CLMN: variants seen among roughly 807,000 people sequenced by gnomAD.
CLMN encodes calmin (calponin-like, transmembrane).
Under a neutral mutation model 92.7 loss-of-function variants are expected in CLMN, and 57 were observed. The ratio of observed to expected loss-of-function variants is 0.61; its 90% CI spans 0.50 to 0.77. The LOEUF is 0.77. CLMN is among the 30% of genes least tolerant of loss of function. The pLI is 0.00. For missense variants in CLMN, 1,158 were observed against 1,237.5 expected, an observed-to-expected ratio of 0.94 and a Z score of 0.96; for synonymous variants, 466 against 470.6, an observed-to-expected ratio of 0.99 and a Z score of 0.13.
chr14:95,231,309 G>A (rs922332721), intron 1 of CLMN, among the ~76,000 whole-genome samples: 2 of 150,272 alleles, frequency 1.3e-5, no homozygotes, highest in African/African-American at 2.5e-5. Flanking sequence ...CCATTCTCCT[G>A]CCTCAGCCTC....
intron 1 of CLMN, among the ~76,000 whole-genome samples, chr14:95,248,591 T>C (rs1311027565): frequency 6.6e-6 from 1 of 152,180 alleles, no homozygotes. Context: ...AGCAGAAGTA[T>C]TCCAAGTCCT....
chr14:95,307,375 C>G (rs1416971521), intron 1 of CLMN: 2 of 152,358 alleles, frequency 1.3e-5, no homozygotes, highest in Admixed American at 1.3e-4. Flanking sequence ...GGCAAACCCA[C>G]AGTAAACAAG....
intron 4 of CLMN, among the ~76,000 whole-genome samples, chr14:95,218,060 G>A (rs1897409177): frequency 6.6e-6 from 1 of 152,184 alleles, no homozygotes; most frequent in Non-Finnish European, 1.5e-5. Context: ...AGAGCTTCAG[G>A]GACAATGCTT....
chr14:95,226,874 C>T (rs117734806), intron 2 of CLMN, among the ~76,000 whole-genome samples: 119 of 152,302 alleles, frequency 7.8e-4, no homozygotes, highest in Admixed American at 2.0e-3. Flanking sequence ...CCACCATGAC[C>T]GGCCGAAACC....
At position 95,319,810 on chromosome 14, in the gene CLMN, G is replaced by A. The variant is rs1901969097; in HGVS notation, c.-18C>T. On this transcript the variant is annotated 5_prime_UTR_variant, in exon 1 of 13. Coordinates refer to ENST00000298912, the MANE Select transcript of CLMN (RefSeq NM_024734.4). ...GCAGCCATGAAGCGCGGGCGGGAGA[G>A]CCCGGGCCAGCGCGGCGCGGGCGGC... is the stretch of plus-strand genomic sequence containing the variant. 1.4e-6 allele frequency: 2 copies of A among 1,426,668 alleles called. No individual in the cohort carries two copies. The highest frequency in any genetic ancestry group is 2.2e-5 in the Admixed American group (1 of 45,538). The allele number at this position is 1,426,668 out of a possible 1,614,324, so 88.4% of individuals were successfully genotyped here. A position where few individuals can be genotyped will look rare whatever the true frequency, so the allele number is the denominator to read the frequency against.
At position 95,258,346 on chromosome 14, in the gene CLMN, G is replaced by A. The variant is rs1302802115; in HGVS notation, c.83-28213C>T. ...TGTGTATGTGTATGTGTGGTGTGTGGTGTATGGTATGTTTGTGTGGGGGTG... is the reference window on the plus strand; with the variant it reads ...TGTGTATGTGTATGTGTGGTGTGTGATGTATGGTATGTTTGTGTGGGGGTG... On this transcript the variant is annotated intron_variant, in intron 1 of 12. Coordinates refer to ENST00000298912, the MANE Select transcript of CLMN (RefSeq NM_024734.4). Among the ~76,000 whole-genome samples the A allele has an allele frequency of 2.0e-5, 3 of 148,584 alleles. No homozygotes were observed. In the East Asian group the frequency reaches 6.1e-4, roughly 30 times the overall value.
chr14:95,201,554 G>A (rs961671367), intron 9 of CLMN, among the ~76,000 whole-genome samples: 1 of 150,246 alleles, frequency 6.7e-6, no homozygotes, highest in South Asian at 2.1e-4. Context: ...TTCCTTTATT[G>A]GCTTTTTTTT....
chr14:95,286,047 T>C (rs903784154), intron 1 of CLMN, among the ~76,000 whole-genome samples: 9 of 152,162 alleles, frequency 5.9e-5, no homozygotes, highest in African/African-American at 9.7e-5. Flanking sequence ...GAAGCAAGCT[T>C]GGGCATCAAA....
At chr14:95,202,139 A>G (rs1896903284) in intron 9 of CLMN, among the ~76,000 whole-genome samples, 1 of 152,180 alleles carries the variant, frequency 6.6e-6, no homozygotes, top group Non-Finnish European at 1.5e-5. Context: ...TGGTTCTGAA[A>G]TCAGATGGAG....
At position 95,214,675 on chromosome 14, in the gene CLMN, C is replaced by T. The variant is rs565187272; in HGVS notation, c.417+966G>A. ...CCCACATGGCTTCTTTTGATGCTCA[C>T]CACCTATTATGACCACTGCTCCCAT... is the stretch of plus-strand genomic sequence containing the variant. On this transcript the variant is annotated intron_variant, in intron 5 of 12. Transcript: ENST00000298912. Among the ~76,000 whole-genome samples, 4 of 152,158 alleles carry T rather than the reference C, an allele frequency of 2.6e-5. No homozygotes were observed. In the South Asian group the frequency reaches 6.2e-4, roughly 24 times the overall value.
Position 95,221,704 on chromosome 14 carries a change from A to G in CLMN, c.311T>C (p.Leu104Ser), listed in dbSNP as rs1312832062. ...TCAAACACTTACATTGCTATCTTCC[A>G]AAAACTTAAGTGCTTTCGCTATGTT... Reference protein sequence around the residue: ...LNNIAKALKFLEDSNVKLVSI... With the variant: ...LNNIAKALKFSEDSNVKLVSI... The change falls in exon 4 of 13, where the codon TTG becomes TCG. Residue 104 changes from leucine to serine, a missense_variant. Leu to Ser is a moderately radical substitution (Grantham distance 145, BLOSUM62 -2). Transcript: ENST00000298912. 6.2e-7 allele frequency: 1 copy of G among 1,613,738 alleles called. No homozygotes were observed. The highest frequency in any genetic ancestry group is 1.1e-5 in the South Asian group (1 of 90,974).
At position 95,207,499 on chromosome 14, in the gene CLMN, G is replaced by A. The variant is rs189966897; in HGVS notation, c.885+1896C>T. On this transcript the variant is annotated intron_variant, in intron 8 of 12. Coordinates refer to ENST00000298912, the MANE Select transcript of CLMN (RefSeq NM_024734.4). The stretch of plus-strand genomic sequence containing the variant: ...ATGTAACTGTAACTTTATACCCATT[G>A]ACCAAGTCACCATTATTCACTAAAC... Among the ~76,000 whole-genome samples the A allele has an allele frequency of 1.5e-3, 228 of 152,254 alleles. 1 individual carries two copies. Among genetic ancestry groups the A allele is most frequent in the African/African-American group, 5.2e-3 (218 of 41,552 alleles).
intron 1 of CLMN, among the ~76,000 whole-genome samples, chr14:95,315,721 C>A (rs1209551098): frequency 6.6e-6 from 1 of 152,176 alleles, no homozygotes; most frequent in Non-Finnish European, 1.5e-5. Flanking sequence ...CAGCATCAAA[C>A]GCCAAAAGCA....
At chr14:95,309,878 C>T (rs1341803961) in intron 1 of CLMN, among the ~76,000 whole-genome samples, 2 of 152,088 alleles carry the variant, frequency 1.3e-5, no homozygotes, top group Non-Finnish European at 2.9e-5. Flanking sequence ...CAGATTACCA[C>T]ACGCTTAGTG....
rs1376046860 is a variant in CLMN, at chr14:95,204,105, C to T, written c.1244G>A (p.Gly415Glu). The change falls in exon 9 of 13, where the codon GGG becomes GAG. Residue 415 changes from glycine to glutamate, a missense_variant. By Grantham distance (98) the Gly-to-Glu change is moderately conservative. Coordinates refer to ENST00000298912, the MANE Select transcript of CLMN (RefSeq NM_024734.4). Reference sequence around the variant, plus strand: ...CTTGATCGGCAAAGAGTTGGACCTCCCGTTCTCCTTTCTGGATGATAAAAT... The same window carrying T: ...CTTGATCGGCAAAGAGTTGGACCTCTCGTTCTCCTTTCTGGATGATAAAAT... ...SSILSSRKEN[G>E]RSNSLPIKKT... 1.2e-6 allele frequency: 2 copies of T among 1,614,028 alleles called. No individual in the cohort carries two copies. Among genetic ancestry groups the T allele is most frequent in the Non-Finnish European group, 1.7e-6 (2 of 1,180,050 alleles).
chr14:95,276,026 T>C (rs1467870659), intron 1 of CLMN, among the ~76,000 whole-genome samples: 1 of 152,216 alleles, frequency 6.6e-6, no homozygotes, highest in Non-Finnish European at 1.5e-5. Context: ...CTGAAGTCTT[T>C]CTTGCGTGAG....
chr14:95,205,151 G>C (rs1005214931), intron 8 of CLMN, among the ~76,000 whole-genome samples: 1 of 152,090 alleles, frequency 6.6e-6, no homozygotes, highest in African/African-American at 2.4e-5. Flanking sequence ...CTGCAACATA[G>C]CTCCTATTGA....
chr14:95,303,814 G>A (rs959431308), intron 1 of CLMN, among the ~76,000 whole-genome samples: 9 of 152,232 alleles, frequency 5.9e-5, no homozygotes, highest in African/African-American at 2.2e-4. Context: ...GCCTGGAAAG[G>A]AAGGGAGAGA....
chr14:95,187,120 T>A lies in CLMN; in HGVS notation c.*4444A>T, dbSNP rs774636011. On this transcript the variant is annotated 3_prime_UTR_variant, in exon 13 of 13. Transcript: ENST00000298912. ...GCAGACCACAGCTCAACAGGATGGA[T>A]GTTGCTGCAGTCCCAGCTGGACTCA... 1 of 152,284 alleles carries A rather than the reference T, an allele frequency of 6.6e-6. No individual in the cohort carries two copies. The highest frequency in any genetic ancestry group is 1.5e-5 in the Non-Finnish European group (1 of 68,088). The allele number at this position is 152,284 out of a possible 1,614,324, so 9.4% of individuals were successfully genotyped here.
Sources: allele counts gnomAD v4.1 joint callset (sites outside exome capture counted in the v4.1 genomes callset), GRCh38; gene constraint gnomAD v4.1.1; transcripts MANE v1.5; gene names NCBI Gene and HGNC (gene_info 2026-07-23, HGNC 2026-07-21).